The following CDH13 variants were observed in gnomAD, a reference collection of about 807,000 sequenced individuals.
CDH13 encodes cadherin 13, also known as cadherin-13.
CDH13 carries 24 observed loss-of-function variants against 63.8 expected under a neutral mutation model. The observed-to-expected ratio is 0.38, with a 90% confidence interval of 0.27 to 0.53. The LOEUF is 0.53. Ranked by LOEUF, CDH13 falls within the 20% of genes least tolerant of loss-of-function variation. The pLI is 0.85. For missense variants in CDH13, 1,049 were observed against 903.1 expected, an observed-to-expected ratio of 1.16 and a Z score of -2.07; for synonymous variants, 503 against 355.3, an observed-to-expected ratio of 1.42 and a Z score of -4.67.
intron 7 of CDH13, among the ~76,000 whole-genome samples, chr16:83,505,904 A>T (rs1567720282): frequency 6.6e-6 from 1 of 152,212 alleles, no homozygotes. Flanking sequence ...TTGCAAACGC[A>T]TCAGCATGTT....
chr16:83,665,616 C>T (rs1244589740), intron 8 of CDH13, among the ~76,000 whole-genome samples: 1 of 152,178 alleles, frequency 6.6e-6, no homozygotes, highest in Admixed American at 6.5e-5. Context: ...TACATCCCAG[C>T]TTTTCAAGTT....
intron 1 of CDH13, among the ~76,000 whole-genome samples, chr16:82,688,571 C>T (rs1915319543): frequency 6.6e-6 from 1 of 152,168 alleles, no homozygotes; most frequent in South Asian, 2.1e-4. Flanking sequence ...ACTATGACAA[C>T]ATATTTTACA....
intron 6 of CDH13, among the ~76,000 whole-genome samples, chr16:83,447,481 A>G (rs932708203): frequency 2.0e-5 from 3 of 152,112 alleles, no homozygotes; most frequent in African/African-American, 7.2e-5. Context: ...AGGACTGTGG[A>G]AAGCCCGCCA....
At chr16:83,763,521 C>T (rs143285960) in intron 11 of CDH13, among the ~76,000 whole-genome samples, 162 of 152,188 alleles carry the variant, frequency 1.1e-3, no homozygotes, top group Admixed American at 2.4e-3. Flanking sequence ...CAGAAAGATA[C>T]CTCAGCCTGT....
chr16:83,551,726 C>G (rs140737103), intron 7 of CDH13, among the ~76,000 whole-genome samples: 3 of 152,192 alleles, frequency 2.0e-5, no homozygotes, highest in Non-Finnish European at 4.4e-5. Flanking sequence ...AAATGCATCT[C>G]CCTTTCCTTT....
chr16:83,025,664 C>T (rs1419251610), intron 2 of CDH13, among the ~76,000 whole-genome samples: 2 of 152,144 alleles, frequency 1.3e-5, no homozygotes, highest in African/African-American at 4.8e-5. Context: ...CGTCACAGGG[C>T]TCCTACACAC....
chr16:83,485,706 G>T (rs1042341222), intron 6 of CDH13, among the ~76,000 whole-genome samples: 15 of 152,060 alleles, frequency 9.9e-5, no homozygotes, highest in African/African-American at 3.4e-4. Context: ...CCCTCTCTCA[G>T]TGTGCCTGAT....
At chr16:83,292,594 C>G (rs2089491219) in intron 5 of CDH13, among the ~76,000 whole-genome samples, 5 of 152,118 alleles carry the variant, frequency 3.3e-5, no homozygotes, top group Admixed American at 2.0e-4. Context: ...GGAGCTATAC[C>G]TCTCCCAGAT....
intron 6 of CDH13, among the ~76,000 whole-genome samples, chr16:83,371,410 C>T (rs1489486896): frequency 1.3e-5 from 2 of 152,174 alleles, no homozygotes; most frequent in African/African-American, 2.4e-5. Context: ...TTCTTGCTTA[C>T]TGCCCATTAT....
At chr16:83,608,709 T>A (rs898172662) in intron 8 of CDH13, among the ~76,000 whole-genome samples, 1 of 150,364 alleles carries the variant, frequency 6.7e-6, no homozygotes, top group African/African-American at 2.5e-5. Flanking sequence ...GGTTCTGCCA[T>A]GTTCCTCGGG....
intron 1 of CDH13, among the ~76,000 whole-genome samples, chr16:82,809,517 T>A (rs1279280474): frequency 6.6e-6 from 1 of 152,146 alleles, no homozygotes; most frequent in African/African-American, 2.4e-5. Context: ...GTGTAAGTGA[T>A]GACGCTCAAA....
chr16:83,486,592 C>G lies in CDH13; in HGVS notation c.897C>G (p.Phe299Leu). 6.2e-7 allele frequency: 1 copy of G among 1,613,928 alleles called. No homozygotes were observed. The highest frequency in any genetic ancestry group is 8.5e-7 in the Non-Finnish European group (1 of 1,179,826). The change falls in exon 7 of 14, where the codon TTC becomes TTG. Residue 299 changes from phenylalanine to leucine, a missense_variant. Transcript: ENST00000567109. The stretch of plus-strand genomic sequence containing the variant: ...CTGACAAGCCATCTCCCAACATGTT[C>G]TACATCGATCCTGAGAAAGGAGACA... Reference protein sequence around the residue: ...QTPDKPSPNMFYIDPEKGDIV... With the variant: ...QTPDKPSPNMLYIDPEKGDIV...
chr16:83,209,718 C>T lies in CDH13; in HGVS notation c.484-7627C>T, dbSNP rs150888806. On this transcript the variant is annotated intron_variant, in intron 4 of 13. Coordinates refer to ENST00000567109, the MANE Select transcript of CDH13 (RefSeq NM_001257.5). ...GCAACAGCCTGAGGGACAGTTACCA[C>T]CACCCACCAAGAGGCAAGGTGCTCC... 1.7e-3 allele frequency among the ~76,000 whole-genome samples: 266 copies of T among 152,246 alleles called. 2 individuals carry two copies. Among genetic ancestry groups the T allele is most frequent in the South Asian group, 3.7e-3 (18 of 4,814 alleles).
At chr16:82,734,950 C>G (rs1162718093) in intron 1 of CDH13, among the ~76,000 whole-genome samples, 1 of 152,124 alleles carries the variant, frequency 6.6e-6, no homozygotes, top group Non-Finnish European at 1.5e-5. Flanking sequence ...CAATGTCCAG[C>G]ACATAGAGGA....
chr16:83,577,902 T>G (rs1257656139), intron 7 of CDH13, among the ~76,000 whole-genome samples: 1 of 152,254 alleles, frequency 6.6e-6, no homozygotes, highest in Non-Finnish European at 1.5e-5. Flanking sequence ...TATCTTGCTG[T>G]ATATAATTCT....
At chr16:83,654,818 C>T (rs1165204675) in intron 8 of CDH13, 1 of 152,150 alleles carries the variant, frequency 6.6e-6, no homozygotes, top group Non-Finnish European at 1.5e-5. Flanking sequence ...CATGATTTCC[C>T]ACCAACCCTA....
At chr16:83,320,743 G>T (rs1255912958) in intron 5 of CDH13, among the ~76,000 whole-genome samples, 3 of 152,200 alleles carry the variant, frequency 2.0e-5, no homozygotes, top group Non-Finnish European at 4.4e-5. Context: ...TTATTAGAGT[G>T]TGTAGACCAA....
At chr16:83,054,952 C>T (rs1224834884) in intron 3 of CDH13, among the ~76,000 whole-genome samples, 1 of 151,976 alleles carries the variant, frequency 6.6e-6, no homozygotes, top group Non-Finnish European at 1.5e-5. Context: ...TAGAGTACAT[C>T]CAAACAAGTT....
At chr16:83,740,443 A>G (rs1348958323) in intron 10 of CDH13, among the ~76,000 whole-genome samples, 1 of 152,112 alleles carries the variant, frequency 6.6e-6, no homozygotes, top group African/African-American at 2.4e-5. Context: ...TAACCAAAGA[A>G]AGTGGACCCA....
Sources: allele counts gnomAD v4.1 joint callset (sites outside exome capture counted in the v4.1 genomes callset), GRCh38; gene constraint gnomAD v4.1.1; transcripts MANE v1.5; gene names NCBI Gene and HGNC (gene_info 2026-07-23, HGNC 2026-07-21).